Variants in VKORC1L1 observed in about 807,000 individuals in gnomAD.
VKORC1L1 encodes the protein vitamin K epoxide reductase complex subunit 1-like protein 1.
A neutral mutation model predicts 18.9 loss-of-function variants in VKORC1L1; 2 were observed. The observed-to-expected ratio is 0.11, with a 90% CI of 0.04 to 0.33. The LOEUF is 0.33. Ranked by LOEUF, VKORC1L1 falls within the 10% of genes least tolerant of loss-of-function variation. The probability of loss-of-function intolerance (pLI) is 1.00; values close to 1 mark genes in which losing one functional copy is unlikely to be tolerated. For synonymous variants in VKORC1L1, 96 were observed against 100.0 expected, an observed-to-expected ratio of 0.96 and a Z score of 0.24; for missense variants, 123 against 224.1, an observed-to-expected ratio of 0.55 and a Z score of 2.88.
intron 1 of VKORC1L1, among the ~76,000 whole-genome samples, chr7:65,910,267 G>T (rs1789481946): frequency 6.6e-6 from 1 of 151,884 alleles, no homozygotes; most frequent in Admixed American, 6.6e-5. Context: ...TTTTCTATTA[G>T]CACATAATAA....
intron 1 of VKORC1L1, among the ~76,000 whole-genome samples, chr7:65,935,466 C>T (rs891242538): frequency 2.6e-5 from 4 of 151,950 alleles, no homozygotes; most frequent in Non-Finnish European, 5.9e-5. Flanking sequence ...CACGCCACCA[C>T]GCTCATCTAA....
chr7:65,899,119 T>A (rs1789266372), intron 1 of VKORC1L1, among the ~76,000 whole-genome samples: 1 of 152,242 alleles, frequency 6.6e-6, no homozygotes, highest in Admixed American at 6.5e-5. Context: ...TCAACCAATA[T>A]TAAATGCCAG....
chr7:65,891,391 C>T (rs1789109030), intron 1 of VKORC1L1, among the ~76,000 whole-genome samples: 1 of 152,060 alleles, frequency 6.6e-6, no homozygotes, highest in African/African-American at 2.4e-5. Context: ...AATTAACACT[C>T]CACTTTGGTT....
intron 2 of VKORC1L1, among the ~76,000 whole-genome samples, chr7:65,952,109 C>T (rs1790222212): frequency 6.6e-6 from 1 of 152,194 alleles, no homozygotes; most frequent in Non-Finnish European, 1.5e-5. Context: ...CCCAATTTTA[C>T]AGTTGAGAAA....
At chr7:65,929,705 G>GATATATATATATATATATATA (rs1789828279) in intron 1 of VKORC1L1, among the ~76,000 whole-genome samples, 1 of 70,176 alleles carries the variant, frequency 1.4e-5, no homozygotes, top group African/African-American at 5.3e-5. Context: ...TATATATATG[G>GATATATATATATATATATATA]TTTTTTTTAA....
At position 65,951,679 on chromosome 7, in the gene VKORC1L1, C is replaced by G. The variant is rs568758358; in HGVS notation, c.305-2395C>G. On this transcript the variant is annotated intron_variant, in intron 2 of 2. Coordinates refer to ENST00000360768, the MANE Select transcript of VKORC1L1 (RefSeq NM_173517.6). ...GGTTTCCAGTGCTCCTCAGCCCCGACTGGTAGCTTGTTATTGTCTCTTTAT... is the reference window on the plus strand; with the variant it reads ...GGTTTCCAGTGCTCCTCAGCCCCGAGTGGTAGCTTGTTATTGTCTCTTTAT... Among the ~76,000 whole-genome samples the G allele has an allele frequency of 9.2e-5, 14 of 152,046 alleles. 1 individual carries two copies. The highest frequency in any genetic ancestry group is 1.8e-4 in the Non-Finnish European group (12 of 68,020).
At chr7:65,898,821 C>T (rs1200350960) in intron 1 of VKORC1L1, among the ~76,000 whole-genome samples, 2 of 152,126 alleles carry the variant, frequency 1.3e-5, no homozygotes, top group African/African-American at 4.8e-5. Context: ...TAAACAAGTA[C>T]TTAATACTTC....
In VKORC1L1 at chr7:65,903,640, C is replaced by T. The variant is rs546662934; in HGVS notation, c.194+30075C>T. On this transcript the variant is annotated intron_variant, in intron 1 of 2. Transcript: ENST00000360768. The stretch of plus-strand genomic sequence containing the variant: ...TGCAAAAATCAGCCAGGCATGGTGG[C>T]GCGCGCCTGTGGTTCCAGCTCCTTG... Among the ~76,000 whole-genome samples the T allele has an allele frequency of 3.6e-4, 54 of 152,028 alleles. 1 individual carries two copies. The highest frequency in any genetic ancestry group is 6.5e-4 in the Non-Finnish European group (44 of 67,998).
chr7:65,916,590 A>G (rs570733543), intron 1 of VKORC1L1, among the ~76,000 whole-genome samples: 1 of 151,964 alleles, frequency 6.6e-6, no homozygotes, highest in African/African-American at 2.4e-5. Context: ...ATTGTTTGAT[A>G]TAGGAAACAT....
chr7:65,893,268 T>G (rs1789138317), intron 1 of VKORC1L1, among the ~76,000 whole-genome samples: 1 of 152,216 alleles, frequency 6.6e-6, no homozygotes, highest in South Asian at 2.1e-4. Flanking sequence ...TTGGACCTGG[T>G]GTGGTGGCTC....
intron 1 of VKORC1L1, among the ~76,000 whole-genome samples, chr7:65,888,831 T>C (rs1368476196): frequency 6.6e-6 from 1 of 152,174 alleles, no homozygotes; most frequent in African/African-American, 2.4e-5. Context: ...CTTGATTTCT[T>C]ACCTCAAAAG....
intron 1 of VKORC1L1, among the ~76,000 whole-genome samples, chr7:65,893,519 G>T (rs1218716777): frequency 6.6e-6 from 1 of 152,088 alleles, no homozygotes; most frequent in South Asian, 2.1e-4. Context: ...CTCCAGCCTG[G>T]GTGACAGAGG....
intron 1 of VKORC1L1, among the ~76,000 whole-genome samples, chr7:65,909,979 G>T (rs1486551382): frequency 1.3e-5 from 2 of 151,982 alleles, no homozygotes; most frequent in African/African-American, 4.8e-5. Flanking sequence ...GCCTCCCAAA[G>T]TGCTGGGATT....
At chr7:65,941,185 C>G (rs1790026726) in intron 1 of VKORC1L1, among the ~76,000 whole-genome samples, 1 of 152,214 alleles carries the variant, frequency 6.6e-6, no homozygotes, top group Non-Finnish European at 1.5e-5. Context: ...AATCATAGCT[C>G]ATTGCTTGCA....
intron 1 of VKORC1L1, among the ~76,000 whole-genome samples, chr7:65,941,472 A>C (rs928534845): frequency 2.0e-4 from 31 of 152,104 alleles, no homozygotes; most frequent in African/African-American, 7.5e-4. Flanking sequence ...GTAAAAAATA[A>C]TTTTTAAAAA....
chr7:65,895,514 T>C (rs201173815), intron 1 of VKORC1L1, among the ~76,000 whole-genome samples: 3,026 of 77,104 alleles, frequency 0.039, 54 homozygotes, highest in Non-Finnish European at 0.048. Flanking sequence ...TATATATATA[T>C]ATACACACAC....
At chr7:65,879,919 A>G (rs977667499) in intron 1 of VKORC1L1, among the ~76,000 whole-genome samples, 1 of 150,004 alleles carries the variant, frequency 6.7e-6, no homozygotes, top group African/African-American at 2.5e-5. Context: ...TGGTGCAGTC[A>G]TGGCTCACTG....
At chr7:65,901,804 A>G (rs1174717393) in intron 1 of VKORC1L1, among the ~76,000 whole-genome samples, 1 of 152,138 alleles carries the variant, frequency 6.6e-6, no homozygotes, top group African/African-American at 2.4e-5. Context: ...GCATGAGAGG[A>G]GAACACCTGA....
chr7:65,909,462 G>A (rs954184718), intron 1 of VKORC1L1, among the ~76,000 whole-genome samples: 3 of 152,038 alleles, frequency 2.0e-5, no homozygotes, highest in African/African-American at 7.2e-5. Flanking sequence ...AATAAAGCAA[G>A]TCTCTTTAAT....
Sources: allele counts gnomAD v4.1 joint callset (sites outside exome capture counted in the v4.1 genomes callset), GRCh38; gene constraint gnomAD v4.1.1; transcripts MANE v1.5; gene names NCBI Gene and HGNC (gene_info 2026-07-23, HGNC 2026-07-21).